Variants in GALNT9 observed in about 807,000 individuals in gnomAD.
GALNT9 encodes the protein GalNAc transferase 9.
Under a neutral mutation model 63.1 loss-of-function variants are expected in GALNT9, and 47 were observed. That is an observed-to-expected ratio of 0.75 (90% CI 0.59 to 0.95). The LOEUF is 0.95. Ranked by LOEUF, GALNT9 falls within the 40% of genes least tolerant of loss-of-function variation. The probability of loss-of-function intolerance (pLI) is 0.00; values close to 1 mark genes in which losing one functional copy is unlikely to be tolerated. For missense variants in GALNT9, 829 were observed against 874.8 expected (o/e 0.95, Z 0.66); for synonymous variants, 396 against 365.7 (o/e 1.08, Z -0.94).
Position 132,316,107 on chromosome 12 carries a change from A to G in GALNT9, c.238+12859T>C, listed in dbSNP as rs1348471075. On this transcript the variant is annotated intron_variant, in intron 1 of 10. Transcript: ENST00000328957. The surrounding 1 kb of genome is among the most constrained non-coding windows in gnomAD (Gnocchi z 4.3). ...TCATCAGCCTTTCGCCTCCTCTCTC[A>G]CTGAAAGAAGAGGCAGGCAGAGGCA... 6.6e-6 allele frequency among the ~76,000 whole-genome samples: 1 copy of G among 152,006 alleles called. No individual in the cohort carries two copies. Among genetic ancestry groups the G allele is most frequent in the Non-Finnish European group, 1.5e-5 (1 of 67,996 alleles).
intron 1 of GALNT9, among the ~76,000 whole-genome samples, chr12:132,294,154 G>A (rs782695715): frequency 6.6e-6 from 1 of 152,194 alleles, no homozygotes. Context: ...TGGGACTGGG[G>A]GGCACAGGCC....
Position 132,197,273 on chromosome 12 carries a change from A to G in GALNT9, c.1666-20T>C, listed in dbSNP as rs757088254. On this transcript the variant is annotated intron_variant, in intron 10 of 10. Coordinates refer to ENST00000328957, the MANE Select transcript of GALNT9 (RefSeq NM_001122636.2). ...GCCACTCTGTGGGGACAGGCACATC[A>G]AGTCAGCCAGGTGCAGGCGTCCTTG... 8 of 1,607,954 alleles carry G rather than the reference A, an allele frequency of 5.0e-6. No homozygotes were observed. The highest frequency in any genetic ancestry group is 2.5e-6 in the Non-Finnish European group (3 of 1,179,294).
chr12:132,199,347 G>C (rs1233520236), intron 8 of GALNT9, 78 bp from the exon 9 acceptor site: 7 of 1,058,386 alleles, frequency 6.6e-6, no homozygotes, highest in African/African-American at 1.6e-5. Flanking sequence ...AGCCAGCTCT[G>C]CAGCCAGCAC....
chr12:132,263,173 A>C (rs1168555919), intron 2 of GALNT9, among the ~76,000 whole-genome samples: 1 of 152,206 alleles, frequency 6.6e-6, no homozygotes, highest in Non-Finnish European at 1.5e-5. Context: ...ACAGGCAGCC[A>C]CTTCCCGCCC....
Position 132,327,923 on chromosome 12 carries a change from A to G in GALNT9, c.238+1043T>C, listed in dbSNP as rs1869108225. Among the ~76,000 whole-genome samples, 1 of 150,220 alleles carries G rather than the reference A, an allele frequency of 6.7e-6. No homozygotes were observed. Among genetic ancestry groups the G allele is most frequent in the Non-Finnish European group, 1.5e-5 (1 of 67,616 alleles). ...CCCCACACACAGCAGGCACATCCGG[A>G]GCCCCCGCCTGCCCGCGTAACCCCA... On this transcript the variant is annotated intron_variant, in intron 1 of 10. Transcript: ENST00000328957. The surrounding 1 kb of genome is among the most constrained non-coding windows in gnomAD (Gnocchi z 4.3).
chr12:132,329,558 G>A lies in GALNT9; in HGVS notation c.-355C>T, dbSNP rs1869209404. On this transcript the variant is annotated 5_prime_UTR_variant, in exon 1 of 11. Transcript: ENST00000328957. ...GTCTGTGCCGGCTCCTGTCCTGCCCGCCCCGCAGCCACCGCGCCGGTGCAG... is the reference window on the plus strand; with the variant it reads ...GTCTGTGCCGGCTCCTGTCCTGCCCACCCCGCAGCCACCGCGCCGGTGCAG... 1.4e-5 allele frequency among the ~76,000 whole-genome samples: 2 copies of A among 147,012 alleles called. No individual in the cohort carries two copies. The highest frequency in any genetic ancestry group is 2.0e-4 in the East Asian group (1 of 5,024).
At chr12:132,240,637 T>A (rs1212980275) in intron 6 of GALNT9, 1 of 449,870 alleles carries the variant, frequency 2.2e-6, no homozygotes, top group East Asian at 7.2e-5. Flanking sequence ...TCTATGGGCC[T>A]CGGACCTGCT....
chr12:132,231,018 T>G (rs1202534235), intron 6 of GALNT9, among the ~76,000 whole-genome samples: 3 of 144,338 alleles, frequency 2.1e-5, no homozygotes, highest in Non-Finnish European at 4.6e-5. Context: ...GAGTCCCTAG[T>G]GCCACACACT....
Position 132,255,848 on chromosome 12 carries a change from G to A in GALNT9, c.959+1841C>T, listed in dbSNP as rs566438271. Among the ~76,000 whole-genome samples, 6 of 152,218 alleles carry A rather than the reference G, an allele frequency of 3.9e-5. No homozygotes were observed. In the South Asian group the frequency reaches 6.2e-4, roughly 16 times the overall value. Reference sequence around the variant, plus strand: ...GACAACACCGCGTGGACCCACATGCGCCTTTGCGATCTTCACGCTGGGTGT... The same window carrying A: ...GACAACACCGCGTGGACCCACATGCACCTTTGCGATCTTCACGCTGGGTGT... On this transcript the variant is annotated intron_variant, in intron 5 of 10. Coordinates refer to ENST00000328957, the MANE Select transcript of GALNT9 (RefSeq NM_001122636.2).
At chr12:132,294,882 A>G (rs1319863579) in intron 1 of GALNT9, among the ~76,000 whole-genome samples, 1 of 152,220 alleles carries the variant, frequency 6.6e-6, no homozygotes, top group Non-Finnish European at 1.5e-5. Flanking sequence ...TGGAGCTCTC[A>G]TCTTCCCTGT....
At chr12:132,322,937 A>G (rs2135592813) in intron 1 of GALNT9, among the ~76,000 whole-genome samples, 1 of 152,280 alleles carries the variant, frequency 6.6e-6, no homozygotes, top group Non-Finnish European at 1.5e-5. Flanking sequence ...GCCGTCCCGT[A>G]CGGGAAAGCC....
intron 1 of GALNT9, among the ~76,000 whole-genome samples, chr12:132,304,078 G>C (rs1222169033): frequency 1.2e-3 from 17 of 13,642 alleles, no homozygotes; most frequent in African/African-American, 1.2e-3. Context: ...CCTGGGCACA[G>C]CCTCACCGGG....
At chr12:132,248,395 G>T (rs1378897613) in intron 5 of GALNT9, among the ~76,000 whole-genome samples, 1 of 152,204 alleles carries the variant, frequency 6.6e-6, no homozygotes, top group Non-Finnish European at 1.5e-5. Context: ...GATCACTGGA[G>T]CCTGGGAATT....
chr12:132,248,074 A>T, intron 5 of GALNT9, 47 bp from the exon 6 acceptor site: 1 of 1,516,264 alleles, frequency 6.6e-7, no homozygotes, highest in Non-Finnish European at 8.9e-7. Flanking sequence ...TGCAGGCCTG[A>T]GCCCTGCCTG....
chr12:132,321,333 T>A (rs1372402475), intron 1 of GALNT9, among the ~76,000 whole-genome samples: 1 of 152,048 alleles, frequency 6.6e-6, no homozygotes, highest in East Asian at 1.9e-4. Context: ...TGCTAATGAG[T>A]CGCCCGTCTC....
rs1300602162 is a variant in GALNT9, at chr12:132,303,619, ACCCGGGCACAGAATCG to A, written c.239-17205_239-17190del. On this transcript the variant is annotated intron_variant, in intron 1 of 10. Transcript: ENST00000328957. Reference sequence around the variant, plus strand: ...CACACCCTCGCCCGGACACACCCTCACCCGGGCACAGAATCGCCCAGACACACCCTCGCCTGGGCAC... The same window carrying A: ...CACACCCTCGCCCGGACACACCCTCACCCAGACACACCCTCGCCTGGGCAC... Among the ~76,000 whole-genome samples, 45 of 36,578 alleles carry A rather than the reference ACCCGGGCACAGAATCG, an allele frequency of 1.2e-3. 1 individual carries two copies. The highest frequency in any genetic ancestry group is 2.8e-3 in the Admixed American group (9 of 3,236). The allele number at this position is 36,578 out of a possible 152,430, so 24.0% of individuals were successfully genotyped here.
At chr12:132,243,262 A>C (rs1453431181) in intron 6 of GALNT9, among the ~76,000 whole-genome samples, 2,526 of 74,596 alleles carry the variant, frequency 0.034, no homozygotes, top group Middle Eastern at 0.15. Flanking sequence ...CCCTCCCTAT[A>C]CCCATTACAC....
At chr12:132,258,254 G>A (rs67454874) in intron 4 of GALNT9, among the ~76,000 whole-genome samples, 11,329 of 152,240 alleles carry the variant, frequency 0.074, 1,220 homozygotes, top group African/African-American at 0.24. Flanking sequence ...GCCCAGCCCC[G>A]AGTCCCTCCT....
intron 1 of GALNT9, among the ~76,000 whole-genome samples, chr12:132,295,913 CG>C (rs1566016624): frequency 1.3e-5 from 1 of 74,652 alleles, no homozygotes; most frequent in African/African-American, 6.8e-5. Context: ...GGAGAGCCTC[CG>C]AACAGGGACG....
Sources: gnomAD v4.1 joint callset for allele counts (sites outside exome capture counted in the v4.1 genomes callset) on GRCh38, gnomAD v4.1.1 for gene constraint, Gnocchi (gnomAD v3.1) non-coding constraint, MANE v1.5 for transcripts, NCBI Gene and HGNC (gene_info 2026-07-23, HGNC 2026-07-21) for gene names.